FGFR1: variants seen among roughly 807,000 people sequenced by gnomAD.
FGFR1 encodes fibroblast growth factor receptor 1.
Under a neutral mutation model 93.7 loss-of-function variants are expected in FGFR1, and 18 were observed. The ratio of observed to expected loss-of-function variants is 0.19; its 90% CI spans 0.13 to 0.28. FGFR1 has a LOEUF of 0.28. Among genes scored for constraint, FGFR1 ranks in the 10% least tolerant of loss-of-function variants. FGFR1 has a pLI of 1.00. For synonymous variants in FGFR1, 448 were observed against 429.3 expected (o/e 1.04, Z -0.54); for missense variants, 731 against 1,080.4 (o/e 0.68, Z 4.53).
intron 1 of FGFR1, chr8:38,467,582 A>G: frequency 4.3e-6 from 1 of 234,782 alleles, no homozygotes; most frequent in Non-Finnish European, 8.4e-6. Context: ...AACGCATCCC[A>G]CCTCGCCGCC....
rs2150623378 is a variant in FGFR1 at position 38,417,286 on chromosome 8, C to T, written c.1663+20G>A. 38 of 1,597,210 alleles carry T rather than the reference C, an allele frequency of 2.4e-5. No individual in the cohort carries two copies. The highest frequency in any genetic ancestry group is 3.2e-5 in the Non-Finnish European group (37 of 1,167,168). ...TCTTCTCCCCGCTGGGCAGGGAAAGCCAGTCTGGCCGGCACCCACCATCCT... is the reference window on the plus strand; with the variant it reads ...TCTTCTCCCCGCTGGGCAGGGAAAGTCAGTCTGGCCGGCACCCACCATCCT... On this transcript the variant is annotated intron_variant, in intron 12 of 17. Transcript: ENST00000447712.
rs964669823 is a variant in FGFR1, at chr8:38,430,110, G to A, written c.92-162C>T. The A allele has an allele frequency of 4.6e-5, 32 of 694,376 alleles. No homozygotes were observed. In the South Asian group the frequency reaches 6.2e-4, roughly 14 times the overall value. The allele number at this position is 694,376 out of a possible 1,614,324, so 43.0% of individuals were successfully genotyped here. On this transcript the variant is annotated intron_variant, in intron 2 of 17. Coordinates refer to ENST00000447712, the MANE Select transcript of FGFR1 (RefSeq NM_023110.3). Reference sequence around the variant, plus strand: ...TACTGAGCCAGGGCAGTGGGAATTGGAGCATGGGTCAGTGGGGAAAACAGC... The same window carrying A: ...TACTGAGCCAGGGCAGTGGGAATTGAAGCATGGGTCAGTGGGGAAAACAGC...
At position 38,467,726 on chromosome 8, in the gene FGFR1, GGCGGCGGGAAGA is replaced by G. The variant is rs59656872; in HGVS notation, c.-89+243_-89+254del. On this transcript the variant is annotated intron_variant, in intron 1 of 17. Coordinates refer to ENST00000447712, the MANE Select transcript of FGFR1 (RefSeq NM_023110.3). ...CGAGCGCGAGTTGGAGGAAAAGTTGGGCGGCGGGAAGAGCGGCGGGACGAGCGCAGGGAGGGG... is the reference window on the plus strand; with the variant it reads ...CGAGCGCGAGTTGGAGGAAAAGTTGGGCGGCGGGACGAGCGCAGGGAGGGG... 593 of 233,572 alleles carry G rather than the reference GGCGGCGGGAAGA, an allele frequency of 2.5e-3. 5 individuals carry two copies. The highest frequency in any genetic ancestry group is 0.012 in the African/African-American group (551 of 45,446). 14.5% of individuals were successfully genotyped at this position (233,572 alleles called of 1,614,324 possible).
At chr8:38,431,308 A>G (rs376776910) in intron 2 of FGFR1, among the ~76,000 whole-genome samples, 104 of 152,216 alleles carry the variant, frequency 6.8e-4, no homozygotes, top group African/African-American at 2.3e-3. Flanking sequence ...AGTCTGGGTT[A>G]GGTGCCCTCC....
At chr8:38,458,118 T>C in intron 1 of FGFR1, among the ~76,000 whole-genome samples, 1 of 152,212 alleles carries the variant, frequency 6.6e-6, no homozygotes. Flanking sequence ...TTCAAAGTAG[T>C]ATGTGCTACA....
At chr8:38,418,849 G>A (rs1440149400) in intron 9 of FGFR1, among the ~76,000 whole-genome samples, 1 of 152,204 alleles carries the variant, frequency 6.6e-6, no homozygotes, top group African/African-American at 2.4e-5. Context: ...TGGTATGGCT[G>A]AGATGGTTTG....
intron 1 of FGFR1, among the ~76,000 whole-genome samples, chr8:38,460,649 T>C (rs13254512): frequency 0.12 from 18,064 of 151,904 alleles, 1,328 homozygotes; most frequent in African/African-American, 0.18. Context: ...CTCCTACCCC[T>C]CTGGCCCTCA....
At position 38,457,438 on chromosome 8, in the gene FGFR1, G is replaced by T. The variant is rs2151347523; in HGVS notation, c.9C>A (p.Ser3Arg). Residue 3 changes from serine (S) to arginine (R), a missense_variant, in exon 2 of 18, where the codon AGC becomes AGA. Ser to Arg is a moderately radical substitution (Grantham distance 110). Transcript: ENST00000447712. ...CAGCCCAGAAGAGGAGGCACTTCCAGCTCCACATCCCAGTTCTGCAGTTAG... is the reference window on the plus strand; with the variant it reads ...CAGCCCAGAAGAGGAGGCACTTCCATCTCCACATCCCAGTTCTGCAGTTAG... MW[S>R]WKCLLFWAVL... The T allele has an allele frequency of 6.2e-7, 1 of 1,614,084 alleles. No homozygotes were observed. The highest frequency in any genetic ancestry group is 8.5e-7 in the Non-Finnish European group (1 of 1,180,020).
rs532741632 is a variant in FGFR1 at position 38,457,427 on chromosome 8, A to C, written c.20T>G (p.Leu7Arg). ...TGTGACCAGCACAGCCCAGAAGAGG[A>C]GGCACTTCCAGCTCCACATCCCAGT... MWSWKCLLFWAVLVTAT... is the reference protein window; with the variant it reads MWSWKCRLFWAVLVTAT... The change falls in exon 2 of 18, where the codon CTC becomes CGC. Residue 7 changes from leucine (L) to arginine (R), a missense_variant. Physicochemically the swap from Leu to Arg is moderately radical, Grantham distance 102 (BLOSUM62 -2). Coordinates refer to ENST00000447712, the MANE Select transcript of FGFR1 (RefSeq NM_023110.3). 1.6e-5 allele frequency: 26 copies of C among 1,613,966 alleles called. No homozygotes were observed. The East Asian group carries it at 5.6e-4, about 35-fold the overall frequency.
At position 38,426,296 on chromosome 8, in the gene FGFR1, G is replaced by T. The variant is rs748505220; in HGVS notation, c.622-51C>A. The T allele has an allele frequency of 1.2e-6, 2 of 1,611,810 alleles. No individual in the cohort carries two copies. The highest frequency in any genetic ancestry group is 1.7e-6 in the Non-Finnish European group (2 of 1,179,572). On this transcript the variant is annotated intron_variant, in intron 5 of 17. Transcript: ENST00000447712. The surrounding 1 kb of genome is among the most constrained non-coding windows in gnomAD (Gnocchi z 4.1). Reference sequence around the variant, plus strand: ...ATTGAGGGTCCAGAGGAAAATGCAGGCCCCATGACAATGTCGGCACCCCGT... The same window carrying T: ...ATTGAGGGTCCAGAGGAAAATGCAGTCCCCATGACAATGTCGGCACCCCGT...
At chr8:38,456,966 C>A (rs558448727) in intron 2 of FGFR1, among the ~76,000 whole-genome samples, 22 of 152,182 alleles carry the variant, frequency 1.4e-4, no homozygotes, top group Non-Finnish European at 3.1e-4. Flanking sequence ...AAGTTCTACA[C>A]GCAAATTCTA....
In FGFR1 at chr8:38,411,194, G is replaced by A. The variant is rs565758830; in HGVS notation, c.*2434C>T. The A allele has an allele frequency of 3.7e-4, 75 of 202,616 alleles. 2 individuals carry two copies. In the South Asian group the frequency reaches 0.012, roughly 32 times the overall value. 12.6% of individuals were successfully genotyped at this position (202,616 alleles called of 1,614,324 possible). A position where few individuals can be genotyped will look rare whatever the true frequency, so the allele number is the denominator to read the frequency against. ...GCTAGCGCAGTCTTTGGGGAAATTT[G>A]TGGGTGATTTGAGTAGTAACAGCAA... On this transcript the variant is annotated 3_prime_UTR_variant, in exon 18 of 18. Transcript: ENST00000447712.
chr8:38,427,361 CCT>C (rs1247237888), intron 5 of FGFR1, among the ~76,000 whole-genome samples: 3 of 152,184 alleles, frequency 2.0e-5, no homozygotes, highest in Non-Finnish European at 2.9e-5. Context: ...CTCACTGCAA[CCT>C]CTGTCTCCTG....
chr8:38,451,303 CCACA>C (rs1475214458), intron 2 of FGFR1, among the ~76,000 whole-genome samples: 3 of 151,792 alleles, frequency 2.0e-5, no homozygotes, highest in African/African-American at 7.3e-5. Flanking sequence ...GGACACAGGA[CCACA>C]GTCCAGTGTA....
chr8:38,414,701 G>C (rs917323541), intron 14 of FGFR1, 72 bp from the exon 15 acceptor site: 1 of 1,613,374 alleles, frequency 6.2e-7, no homozygotes, highest in South Asian at 1.1e-5. Context: ...AAGGGACTGG[G>C]GGGTGGGTTC....
intron 2 of FGFR1, among the ~76,000 whole-genome samples, chr8:38,440,694 A>G (rs1194346765): frequency 6.6e-6 from 1 of 152,152 alleles, no homozygotes; most frequent in Admixed American, 6.5e-5. Flanking sequence ...CAGCCTGACA[A>G]AACGGTGCAA....
Position 38,427,950 on chromosome 8 carries a change from T to G in FGFR1, c.592A>C (p.Lys198Gln). 6.2e-7 allele frequency: 1 copy of G among 1,614,258 alleles called. No homozygotes were observed. Among genetic ancestry groups the G allele is most frequent in the Non-Finnish European group, 8.5e-7 (1 of 1,180,044 alleles). Residue 198 changes from lysine to glutamine, a missense_variant, in exon 5 of 18, where the codon AAA (lysine) becomes CAA (glutamine). Lys to Gln is a moderately conservative substitution (Grantham distance 53, BLOSUM62 1). Around this residue, in one of 10 missense-constraint regions of FGFR1, gnomAD observed 109 missense variants for 249.4 expected, o/e 0.44. Transcript: ENST00000447712. ...LRWLKNGKEF[K>Q]PDHRIGGYKV... is the part of the protein sequence containing the mutation. The stretch of plus-strand genomic sequence containing the variant: ...TAGCCTCCAATTCTGTGGTCAGGTT[T>G]GAATTCTTTGCCATTTTTCAACCAG...
intron 9 of FGFR1, 44 bp from the exon 10 acceptor site, chr8:38,418,417 G>A (rs564320559): frequency 1.6e-5 from 26 of 1,595,410 alleles, no homozygotes; most frequent in Middle Eastern, 1.7e-4. Flanking sequence ...GAGGGGGGAC[G>A]GGGTGACTCC....
intron 7 of FGFR1, chr8:38,423,071 T>C: frequency 2.6e-6 from 2 of 779,692 alleles, no homozygotes; most frequent in Non-Finnish European, 4.8e-6. Context: ...ACTGGTTAGC[T>C]TCACCAATAT....
Sources: gnomAD v4.1 joint callset for allele counts (sites outside exome capture counted in the v4.1 genomes callset) on GRCh38, gnomAD v4.1.1 for gene constraint, gnomAD v4.1.1 regional missense constraint, Gnocchi (gnomAD v3.1) non-coding constraint, MANE v1.5 for transcripts, NCBI Gene and HGNC (gene_info 2026-07-23, HGNC 2026-07-21) for gene names.